SDCCAG8: variants seen among roughly 807,000 people sequenced by gnomAD.
The protein encoded by SDCCAG8 is SHH signaling and ciliogenesis regulator SDCCAG8.
A neutral mutation model predicts 101.8 loss-of-function variants in SDCCAG8; 74 were observed. That is an observed-to-expected ratio of 0.73 (90% CI 0.60 to 0.88). The LOEUF is 0.88. Ranked by LOEUF, SDCCAG8 falls within the 40% of genes least tolerant of loss-of-function variation. The pLI is 0.00. For missense variants in SDCCAG8, 787 were observed against 822.6 expected, an observed-to-expected ratio of 0.96 and a Z score of 0.53; for synonymous variants, 281 against 292.9, an observed-to-expected ratio of 0.96 and a Z score of 0.41.
Position 243,256,069 on chromosome 1 carries a change from C to A in SDCCAG8, c.-105C>A. 2 of 1,048,562 alleles carry A rather than the reference C, an allele frequency of 1.9e-6. No individual in the cohort carries two copies. The highest frequency in any genetic ancestry group is 3.0e-6 in the Non-Finnish European group (2 of 664,680). 65.0% of individuals were successfully genotyped at this position (1,048,562 alleles called of 1,614,324 possible). A position where few individuals can be genotyped will look rare whatever the true frequency, so the allele number is the denominator to read the frequency against. On this transcript the variant is annotated 5_prime_UTR_variant, in exon 1 of 18. Coordinates refer to ENST00000366541, the MANE Select transcript of SDCCAG8 (RefSeq NM_006642.5). Reference sequence around the variant, plus strand: ...CTAGGCTCCCCTGTGACAGCCGCGGCAGGAAGCAGGCGGGCGCTCCCCGGC... The same window carrying A: ...CTAGGCTCCCCTGTGACAGCCGCGGAAGGAAGCAGGCGGGCGCTCCCCGGC...
At position 243,266,931 on chromosome 1, in the gene SDCCAG8, G is replaced by A. The variant is rs184759576; in HGVS notation, c.68-3174G>A. 1.9e-3 allele frequency among the ~76,000 whole-genome samples: 203 copies of A among 107,742 alleles called. 1 individual carries two copies. Among genetic ancestry groups the A allele is most frequent in the African/African-American group, 6.8e-3 (193 of 28,310 alleles). 70.7% of individuals were successfully genotyped at this position (107,742 alleles called of 152,430 possible). A position where few individuals can be genotyped will look rare whatever the true frequency, so the allele number is the denominator to read the frequency against. On this transcript the variant is annotated intron_variant, in intron 1 of 17. Transcript: ENST00000366541. ...GCACTCCAGCCTGGGCAACAAGAGT[G>A]CAACTTCGTCTCAAAAAAAAAAAAA...
chr1:243,307,884 G>C, intron 7 of SDCCAG8, 105 bp from the exon 8 acceptor site: 3 of 1,580,710 alleles, frequency 1.9e-6, no homozygotes, highest in Non-Finnish European at 2.6e-6. Context: ...AAAGCATAAG[G>C]TGAGTACCCA....
chr1:243,355,223 G>T (rs540762652), intron 12 of SDCCAG8, among the ~76,000 whole-genome samples: 20 of 152,246 alleles, frequency 1.3e-4, no homozygotes, highest in Non-Finnish European at 2.2e-4. Context: ...CCTGCCTTCT[G>T]CCATCCCTGA....
At chr1:243,446,313 C>T (rs1425355458) in intron 16 of SDCCAG8, among the ~76,000 whole-genome samples, 1 of 152,166 alleles carries the variant, frequency 6.6e-6, no homozygotes, top group Non-Finnish European at 1.5e-5. Context: ...CTTGCCCAGG[C>T]TAGAGTGCAG....
intron 12 of SDCCAG8, among the ~76,000 whole-genome samples, chr1:243,362,436 C>A (rs1199299348): frequency 6.6e-6 from 1 of 152,238 alleles, no homozygotes; most frequent in East Asian, 1.9e-4. Flanking sequence ...GTAAATTTCT[C>A]ATTTTACTAC....
At chr1:243,365,108 T>C (rs1249078527) in intron 12 of SDCCAG8, among the ~76,000 whole-genome samples, 2 of 152,146 alleles carry the variant, frequency 1.3e-5, no homozygotes, top group African/African-American at 4.8e-5. Context: ...GAAATGGGTA[T>C]CGGCGAAGAG....
intron 12 of SDCCAG8, among the ~76,000 whole-genome samples, chr1:243,345,236 G>A (rs2075633540): frequency 6.6e-6 from 1 of 151,948 alleles, no homozygotes; most frequent in African/African-American, 2.4e-5. Flanking sequence ...TACAACAAAT[G>A]ATGCAAAGAC....
intron 6 of SDCCAG8, among the ~76,000 whole-genome samples, chr1:243,295,961 C>G (rs982456734): frequency 2.0e-5 from 3 of 152,024 alleles, no homozygotes; most frequent in African/African-American, 7.2e-5. Context: ...TTTTCTTTCT[C>G]TTGTATCTTT....
At chr1:243,434,421 T>G (rs1488953138) in intron 16 of SDCCAG8, among the ~76,000 whole-genome samples, 6 of 152,240 alleles carry the variant, frequency 3.9e-5, no homozygotes, top group Non-Finnish European at 8.8e-5. Context: ...TATTTTATAA[T>G]ATAAAATTAT....
At chr1:243,262,150 A>G (rs2067244650) in intron 1 of SDCCAG8, among the ~76,000 whole-genome samples, 1 of 125,484 alleles carries the variant, frequency 8.0e-6, no homozygotes, top group Non-Finnish European at 1.7e-5. Context: ...TCTTTTGCCC[A>G]GGCTGGAGTG....
chr1:243,441,312 T>C (rs2082519309), intron 16 of SDCCAG8, among the ~76,000 whole-genome samples: 1 of 152,228 alleles, frequency 6.6e-6, no homozygotes, highest in Non-Finnish European at 1.5e-5. Flanking sequence ...GGTATTAAGA[T>C]GCCAAACGTG....
chr1:243,462,873 A>C lies in SDCCAG8; in HGVS notation c.1986-26141A>C, dbSNP rs549962187. Among the ~76,000 whole-genome samples the C allele has an allele frequency of 4.1e-4, 62 of 152,172 alleles. 1 individual carries two copies. The highest frequency in any genetic ancestry group is 9.1e-4 in the African/African-American group (38 of 41,556). On this transcript the variant is annotated intron_variant, in intron 16 of 17. Coordinates refer to ENST00000366541, the MANE Select transcript of SDCCAG8 (RefSeq NM_006642.5). ...AAAAACAAAACAAAACAAAACAAAA[A>C]AAAACCCTAGGCTCTTTGGAAGACA...
chr1:243,440,478 G>A (rs1414622902), intron 16 of SDCCAG8, among the ~76,000 whole-genome samples: 1 of 152,172 alleles, frequency 6.6e-6, no homozygotes, highest in African/African-American at 2.4e-5. Flanking sequence ...GACTTGGGAA[G>A]GGCAGTTCAC....
intron 1 of SDCCAG8, among the ~76,000 whole-genome samples, chr1:243,262,975 T>C (rs2067303523): frequency 6.6e-6 from 1 of 152,234 alleles, no homozygotes; most frequent in Admixed American, 6.5e-5. Context: ...TTGCTTCTGA[T>C]AGATATAACA....
chr1:243,433,699 T>C (rs918557398), intron 16 of SDCCAG8, among the ~76,000 whole-genome samples: 6 of 152,206 alleles, frequency 3.9e-5, no homozygotes, highest in Non-Finnish European at 8.8e-5. Flanking sequence ...CCACTGCCCC[T>C]GGGGCAGTCT....
intron 10 of SDCCAG8, among the ~76,000 whole-genome samples, chr1:243,334,808 G>A (rs1573378877): frequency 6.6e-6 from 1 of 152,042 alleles, no homozygotes; most frequent in East Asian, 1.9e-4. Flanking sequence ...GGCTGATCGC[G>A]AACTCCTGGG....
intron 3 of SDCCAG8, among the ~76,000 whole-genome samples, chr1:243,274,308 G>A (rs927344446): frequency 5.3e-5 from 8 of 152,206 alleles, no homozygotes; most frequent in Non-Finnish European, 8.8e-5. Flanking sequence ...CCTCCCACCA[G>A]GCCCCACCTC....
chr1:243,476,553 C>T (rs1237952478), intron 16 of SDCCAG8, among the ~76,000 whole-genome samples: 1 of 152,142 alleles, frequency 6.6e-6, no homozygotes, highest in Admixed American at 6.5e-5. Flanking sequence ...TCTGGGAGCA[C>T]CAGAAAGTCC....
chr1:243,330,176 T>G (rs972267746), intron 9 of SDCCAG8, among the ~76,000 whole-genome samples: 2 of 152,216 alleles, frequency 1.3e-5, no homozygotes, highest in Non-Finnish European at 2.9e-5. Context: ...TTAAATTGGA[T>G]ACTTACGTAT....
Sources: gnomAD v4.1 joint callset for allele counts (sites outside exome capture counted in the v4.1 genomes callset) on GRCh38, gnomAD v4.1.1 for gene constraint, MANE v1.5 for transcripts, NCBI Gene and HGNC (gene_info 2026-07-23, HGNC 2026-07-21) for gene names.